PTPRD: variants seen among roughly 807,000 people sequenced by gnomAD.
PTPRD encodes the protein protein tyrosine phosphatase receptor type D, also known as receptor-type tyrosine-protein phosphatase delta.
Under a neutral mutation model 214.5 loss-of-function variants are expected in PTPRD, and 34 were observed. That is an observed-to-expected ratio of 0.16 (90% CI 0.12 to 0.21). PTPRD has a LOEUF of 0.21. Ranked by LOEUF, PTPRD falls within the 10% of genes least tolerant of loss-of-function variation. The pLI is 1.00. For missense variants in PTPRD, 2,545 were observed against 2,398.7 expected, an observed-to-expected ratio of 1.06 and a Z score of -1.27; for synonymous variants, 1,128 against 845.7, an observed-to-expected ratio of 1.33 and a Z score of -5.79.
At chr9:9,109,023 C>G (rs987994288) in intron 10 of PTPRD, among the ~76,000 whole-genome samples, 2 of 152,128 alleles carry the variant, frequency 1.3e-5, no homozygotes, top group Non-Finnish European at 2.9e-5. Flanking sequence ...AGTAGTCAGC[C>G]TGTTCCTCTC....
rs148399479 is a variant in PTPRD, at chr9:10,509,379, C to G, written c.-600+103019G>C. Among the ~76,000 whole-genome samples, 61 of 151,312 alleles carry G rather than the reference C, an allele frequency of 4.0e-4. 1 individual carries two copies. In the East Asian group the frequency reaches 0.012, roughly 30 times the overall value. On this transcript the variant is annotated intron_variant, in intron 2 of 45. Transcript: ENST00000381196. ...TGGATTTTATTCTTTGGAATCTAAT[C>G]TTATGTTACGGTTATTTTACTCCTC...
intron 3 of PTPRD, among the ~76,000 whole-genome samples, chr9:10,325,869 A>G (rs1003888071): frequency 6.6e-5 from 10 of 151,976 alleles, no homozygotes; most frequent in African/African-American, 1.7e-4. Context: ...AAGAATAAGG[A>G]TAATTTTTCA....
At chr9:9,972,127 C>T (rs1158911227) in intron 4 of PTPRD, among the ~76,000 whole-genome samples, 6 of 152,170 alleles carry the variant, frequency 3.9e-5, no homozygotes, top group Non-Finnish European at 7.4e-5. Context: ...TATCTGGTTA[C>T]GTAGAAATTG....
intron 14 of PTPRD, among the ~76,000 whole-genome samples, chr9:8,619,074 T>C (rs774032808): frequency 2.0e-5 from 3 of 151,826 alleles, no homozygotes; most frequent in Non-Finnish European, 2.9e-5. Context: ...ATTTATTTTT[T>C]AATTGAGACA....
intron 9 of PTPRD, among the ~76,000 whole-genome samples, chr9:9,337,415 C>A (rs2044983553): frequency 6.6e-6 from 1 of 152,134 alleles, no homozygotes; most frequent in African/African-American, 2.4e-5. Flanking sequence ...CCATTCAAAT[C>A]ATCTAACTCT....
chr9:9,549,622 A>C (rs1012872274), intron 8 of PTPRD, among the ~76,000 whole-genome samples: 1 of 152,106 alleles, frequency 6.6e-6, no homozygotes, highest in East Asian at 1.9e-4. Context: ...TGTCATAAAA[A>C]CACTTATACA....
At chr9:9,675,860 A>G (rs2096918597) in intron 7 of PTPRD, among the ~76,000 whole-genome samples, 1 of 152,096 alleles carries the variant, frequency 6.6e-6, no homozygotes, top group Non-Finnish European at 1.5e-5. Context: ...AGGCAAAAAT[A>G]GTATGAGAGG....
At position 9,830,646 on chromosome 9, in the gene PTPRD, G is replaced by C. The variant is rs544901940; in HGVS notation, c.-367-63795C>G. Among the ~76,000 whole-genome samples the C allele has an allele frequency of 5.9e-5, 9 of 151,984 alleles. No homozygotes were observed. The South Asian group carries it at 1.9e-3, about 32-fold the overall frequency. ...GCTAGCACCTGAGTGTGTTAGCCAA[G>C]ATCATTCATAATCTTTGCATATTGA... On this transcript the variant is annotated intron_variant, in intron 5 of 45. Transcript: ENST00000381196.
At chr9:10,336,841 A>T (rs1297465475) in intron 3 of PTPRD, among the ~76,000 whole-genome samples, 1 of 151,698 alleles carries the variant, frequency 6.6e-6, no homozygotes, top group East Asian at 1.9e-4. Flanking sequence ...TAGACTGTGA[A>T]GGAAAACTGG....
intron 21 of PTPRD, among the ~76,000 whole-genome samples, chr9:8,513,143 A>T (rs904424291): frequency 6.6e-6 from 1 of 152,082 alleles, no homozygotes; most frequent in Non-Finnish European, 1.5e-5. Flanking sequence ...TGGAGAACTG[A>T]GAAGATTGAC....
chr9:10,218,968 G>T (rs994643257), intron 3 of PTPRD, among the ~76,000 whole-genome samples: 11 of 151,636 alleles, frequency 7.3e-5, no homozygotes, highest in Non-Finnish European at 1.3e-4. Flanking sequence ...AAAGTAAGAA[G>T]AAAAAATTGT....
intron 11 of PTPRD, among the ~76,000 whole-genome samples, chr9:8,942,946 G>A (rs1051093536): frequency 2.0e-5 from 3 of 152,094 alleles, no homozygotes; most frequent in African/African-American, 7.2e-5. Context: ...CAGTAAAGTT[G>A]CAGGATAGAA....
intron 2 of PTPRD, among the ~76,000 whole-genome samples, chr9:10,531,103 C>T (rs1418337948): frequency 1.3e-5 from 2 of 152,048 alleles, no homozygotes; most frequent in Non-Finnish European, 2.9e-5. Context: ...GTGCAAGCCA[C>T]CACGCCCGGC....
chr9:10,142,741 GA>G (rs2098995086), intron 3 of PTPRD, among the ~76,000 whole-genome samples: 2 of 149,222 alleles, frequency 1.3e-5, no homozygotes, highest in South Asian at 4.4e-4. Flanking sequence ...TCTGGAACTA[GA>G]AATACCATTT....
intron 43 of PTPRD, among the ~76,000 whole-genome samples, chr9:8,337,773 T>C (rs1848436368): frequency 6.6e-6 from 1 of 152,132 alleles, no homozygotes; most frequent in Admixed American, 6.6e-5. Flanking sequence ...TGGTGGGGCC[T>C]GGTGCCTTTT....
intron 2 of PTPRD, among the ~76,000 whole-genome samples, chr9:10,535,006 G>C (rs1245726549): frequency 3.3e-5 from 5 of 152,186 alleles, no homozygotes; most frequent in African/African-American, 9.6e-5. Flanking sequence ...ACCTTGAAAT[G>C]GATGTATGAG....
intron 10 of PTPRD, among the ~76,000 whole-genome samples, chr9:9,058,194 G>GT (rs947874297): frequency 2.6e-5 from 4 of 151,966 alleles, no homozygotes; most frequent in Non-Finnish European, 4.4e-5. Context: ...TTACGACTAG[G>GT]TTTTTTAGCA....
chr9:10,225,778 T>C (rs2099586941), intron 3 of PTPRD, among the ~76,000 whole-genome samples: 1 of 152,074 alleles, frequency 6.6e-6, no homozygotes, highest in African/African-American at 2.4e-5. Flanking sequence ...TAATGCTATT[T>C]CCTTTTGAAG....
chr9:9,936,953 T>C (rs1278336480), intron 5 of PTPRD, among the ~76,000 whole-genome samples: 1 of 150,626 alleles, frequency 6.6e-6, no homozygotes, highest in Non-Finnish European at 1.5e-5. Context: ...GAAATCATCA[T>C]TCTCAGTAAA....
Sources: allele counts gnomAD v4.1 joint callset (sites outside exome capture counted in the v4.1 genomes callset), GRCh38; gene constraint gnomAD v4.1.1; transcripts MANE v1.5; gene names NCBI Gene and HGNC (gene_info 2026-07-23, HGNC 2026-07-21).